The following FMN2 variants were observed in gnomAD, a reference collection of about 807,000 sequenced individuals.
FMN2 encodes the protein formin-2.
A neutral mutation model predicts 142.3 loss-of-function variants in FMN2; 51 were observed. The observed-to-expected ratio is 0.36, with a 90% CI of 0.29 to 0.45. The LOEUF (loss-of-function observed/expected upper bound fraction) is 0.45, where lower values mean the gene tolerates loss of function less well. Ranked by LOEUF, FMN2 falls within the 20% of genes least tolerant of loss-of-function variation. The pLI, the probability that FMN2 is intolerant of heterozygous loss-of-function variation, is 1.00. For missense variants in FMN2, 1,936 were observed against 2,122.8 expected, an observed-to-expected ratio of 0.91 and a Z score of 1.73; for synonymous variants, 882 against 869.8, an observed-to-expected ratio of 1.01 and a Z score of -0.25.
intron 15 of FMN2, among the ~76,000 whole-genome samples, chr1:240,396,473 C>T (rs1673782460): frequency 6.7e-6 from 1 of 150,270 alleles, no homozygotes; most frequent in Admixed American, 6.6e-5. Flanking sequence ...TAAATTTTAA[C>T]TTTTAGATTA....
chr1:240,422,551 G>C (rs573794509), intron 15 of FMN2, among the ~76,000 whole-genome samples: 1 of 152,220 alleles, frequency 6.6e-6, no homozygotes, highest in Non-Finnish European at 1.5e-5. Context: ...TAATTATTCA[G>C]TGCTGGTATA....
At chr1:240,211,955 A>G (rs1666705303) in intron 6 of FMN2, among the ~76,000 whole-genome samples, 1 of 152,220 alleles carries the variant, frequency 6.6e-6, no homozygotes. Flanking sequence ...CCAGATAGAA[A>G]GAATTGCTAA....
intron 8 of FMN2, among the ~76,000 whole-genome samples, chr1:240,322,390 A>T (rs1671003499): frequency 6.6e-6 from 1 of 152,084 alleles, no homozygotes; most frequent in Admixed American, 6.5e-5. Context: ...CTATGATATT[A>T]TACTAATTCA....
In FMN2 at chr1:240,207,013, G is replaced by A. The variant is rs140911005; in HGVS notation, c.2201G>A (p.Arg734Gln). The A allele has an allele frequency of 5.7e-4, 915 of 1,614,122 alleles. 2 individuals carry two copies. The highest frequency in any genetic ancestry group is 1.6e-3 in the East Asian group (70 of 44,870). Residue 734 changes from arginine (R) to glutamine (Q), a missense_variant, in exon 5 of 18, where the codon CGG (arginine) becomes CAG (glutamine). Transcript: ENST00000319653. ...EALRLEEKEV[R>Q]HHRILEAKSI... ...CTCAGGTTAGAAGAAAAGGAAGTAC[G>A]GCATCATAGGATTTTAGAGGCGAAA...
chr1:240,423,758 A>T (rs1333578463), intron 15 of FMN2, among the ~76,000 whole-genome samples: 1 of 152,252 alleles, frequency 6.6e-6, no homozygotes, highest in African/African-American at 2.4e-5. Context: ...ATGTGTGCAT[A>T]AGAAAAGACC....
At chr1:240,289,269 A>G (rs1196953489) in intron 7 of FMN2, among the ~76,000 whole-genome samples, 1 of 152,188 alleles carries the variant, frequency 6.6e-6, no homozygotes, top group Non-Finnish European at 1.5e-5. Flanking sequence ...GTCCTGTCTC[A>G]TCCAACAGAT....
chr1:240,101,539 G>A (rs1661413679), intron 1 of FMN2, among the ~76,000 whole-genome samples: 2 of 151,396 alleles, frequency 1.3e-5, no homozygotes, highest in Admixed American at 6.6e-5. Flanking sequence ...TCTGTGTTGT[G>A]TGTGTGTGTG....
chr1:240,214,907 A>G (rs926144545), intron 6 of FMN2, among the ~76,000 whole-genome samples: 3 of 152,166 alleles, frequency 2.0e-5, no homozygotes, highest in Non-Finnish European at 4.4e-5. Flanking sequence ...ATCTATAAAA[A>G]ATATAAAAAT....
chr1:240,431,423 T>TATACAC (rs1491221486), intron 15 of FMN2, among the ~76,000 whole-genome samples: 14 of 130,858 alleles, frequency 1.1e-4, no homozygotes, highest in African/African-American at 3.9e-4. Flanking sequence ...TATATATATA[T>TATACAC]ACATATATAT....
At chr1:240,201,653 C>T (rs1268442477) in intron 4 of FMN2, among the ~76,000 whole-genome samples, 3 of 152,042 alleles carry the variant, frequency 2.0e-5, no homozygotes, top group Non-Finnish European at 2.9e-5. Flanking sequence ...ATAATTTGTG[C>T]ATCTTTCCAT....
At chr1:240,096,837 A>G (rs1408553539) in intron 1 of FMN2, among the ~76,000 whole-genome samples, 1 of 152,246 alleles carries the variant, frequency 6.6e-6, no homozygotes, top group East Asian at 1.9e-4. Context: ...TGGTAGATCT[A>G]AAAACATTTA....
At chr1:240,206,516 T>A (rs1372646812) in intron 4 of FMN2, among the ~76,000 whole-genome samples, 1 of 152,100 alleles carries the variant, frequency 6.6e-6, no homozygotes, top group Non-Finnish European at 1.5e-5. Context: ...GGTTTATCAC[T>A]CAGAGCTTTC....
At chr1:240,266,563 T>TA (rs1252739394) in intron 7 of FMN2, among the ~76,000 whole-genome samples, 16 of 152,112 alleles carry the variant, frequency 1.1e-4, no homozygotes, top group Non-Finnish European at 8.8e-5. Flanking sequence ...TTTGGCTGTG[T>TA]AATGTTCCGT....
rs151116319 is a variant in FMN2 at position 240,150,937 on chromosome 1, G to A, written c.1783-26984G>A. Among the ~76,000 whole-genome samples, 77 of 152,272 alleles carry A rather than the reference G, an allele frequency of 5.1e-4. No homozygotes were observed. The East Asian group carries it at 0.013, about 25-fold the overall frequency. Reference sequence around the variant, plus strand: ...TTAGCATTTCACAGGTATGTTCAAAGGCAAAGAGATGATAGGTTTTCACAG... The same window carrying A: ...TTAGCATTTCACAGGTATGTTCAAAAGCAAAGAGATGATAGGTTTTCACAG... On this transcript the variant is annotated intron_variant, in intron 2 of 17. Transcript: ENST00000319653.
chr1:240,216,914 A>G (rs2103414516), intron 6 of FMN2, among the ~76,000 whole-genome samples: 1 of 151,736 alleles, frequency 6.6e-6, no homozygotes, highest in East Asian at 1.9e-4. Flanking sequence ...GCGCCACTAC[A>G]CTCCAGCCTG....
At chr1:240,406,662 C>A (rs1337334612) in intron 15 of FMN2, among the ~76,000 whole-genome samples, 1 of 152,064 alleles carries the variant, frequency 6.6e-6, no homozygotes, top group Non-Finnish European at 1.5e-5. Context: ...AGTGACCTGC[C>A]ACTCATGGCT....
At chr1:240,392,710 G>A in intron 15 of FMN2, 148 bp downstream of exon 15, 1 of 580,592 alleles carries the variant, frequency 1.7e-6, no homozygotes, top group South Asian at 3.1e-5. Flanking sequence ...AATCTACAAT[G>A]AATTTCTGAA....
At chr1:240,271,043 C>G (rs187541047) in intron 7 of FMN2, among the ~76,000 whole-genome samples, 13 of 144,478 alleles carry the variant, frequency 9.0e-5, no homozygotes, top group Admixed American at 8.4e-4. Flanking sequence ...CACAAGAACA[C>G]TTCTTTAAAA....
chr1:240,275,199 C>T (rs2102927622), intron 7 of FMN2, among the ~76,000 whole-genome samples: 1 of 151,594 alleles, frequency 6.6e-6, no homozygotes, highest in South Asian at 2.1e-4. Context: ...ATCAACCCGT[C>T]ACCTACATTA....
Sources: allele counts gnomAD v4.1 joint callset (sites outside exome capture counted in the v4.1 genomes callset), GRCh38; gene constraint gnomAD v4.1.1; transcripts MANE v1.5; gene names NCBI Gene and HGNC (gene_info 2026-07-23, HGNC 2026-07-21).